The following RFC3 variants were observed in gnomAD, a reference collection of about 807,000 sequenced individuals.
RFC3 encodes A1 38 kDa subunit.
In RFC3, 41 loss-of-function variants were observed where a neutral mutation model predicts 45.1. The ratio of observed to expected loss-of-function variants is 0.91; its 90% CI spans 0.71 to 1.18. The LOEUF (loss-of-function observed/expected upper bound fraction) is 1.18, where lower values mean the gene tolerates loss of function less well. Among genes scored for constraint, RFC3 ranks in the 50% most tolerant of loss-of-function variants. The probability of loss-of-function intolerance (pLI) is 0.00; values close to 1 mark genes in which losing one functional copy is unlikely to be tolerated. For synonymous variants in RFC3, 149 were observed against 144.0 expected, an observed-to-expected ratio of 1.03 and a Z score of -0.25; for missense variants, 423 against 428.1, an observed-to-expected ratio of 0.99 and a Z score of 0.10.
At chr13:33,832,685 T>A (rs1018023107) in intron 7 of RFC3, among the ~76,000 whole-genome samples, 2 of 152,284 alleles carry the variant, frequency 1.3e-5, no homozygotes, top group Admixed American at 6.5e-5. Context: ...TTTTGTAAAA[T>A]GTTGATTATC....
intron 8 of RFC3, among the ~76,000 whole-genome samples, chr13:33,912,726 G>T (rs2082710561): frequency 6.6e-6 from 1 of 152,124 alleles, no homozygotes; most frequent in African/African-American, 2.4e-5. Context: ...CAGTATTTAT[G>T]CAGGGGAGAA....
In RFC3 at chr13:33,888,256, A is replaced by G. The variant is rs2082539603; in HGVS notation, c.879+53039A>G. ...GCATGCAAGTTCAGGGGGCACCATT[A>G]CATACAACGTGAATGGTGCTTCTTG... On this transcript the variant is annotated intron_variant, in intron 8 of 8. Coordinates refer to the RFC3 transcript ENST00000434425. 2.6e-5 allele frequency among the ~76,000 whole-genome samples: 4 copies of G among 152,190 alleles called. No individual in the cohort carries two copies. In the South Asian group the frequency reaches 8.3e-4, roughly 32 times the overall value.
chr13:33,830,630 C>A, intron 5 of RFC3, 89 bp from the exon 6 acceptor site: 2 of 984,322 alleles, frequency 2.0e-6, no homozygotes, highest in Non-Finnish European at 2.9e-6. Flanking sequence ...GAGAGTAATA[C>A]AGTTATAAGG....
At position 33,913,760 on chromosome 13, in the gene RFC3, T is replaced by A. The variant is rs540143047; in HGVS notation, c.880-52327T>A. Among the ~76,000 whole-genome samples the A allele has an allele frequency of 3.9e-5, 6 of 152,252 alleles. No homozygotes were observed. The South Asian group carries it at 1.0e-3, about 26-fold the overall frequency. On this transcript the variant is annotated intron_variant, in intron 8 of 8. Coordinates refer to the RFC3 transcript ENST00000434425. ...CTCAATCTCTGGTAGTTACTGTTGCTGTTATGAGATATCCCAAGAAGGCAA... is the reference window on the plus strand; with the variant it reads ...CTCAATCTCTGGTAGTTACTGTTGCAGTTATGAGATATCCCAAGAAGGCAA...
At chr13:33,972,721 G>A in the RFC3 span, among the ~76,000 whole-genome samples, 2 of 152,236 alleles carry the variant, frequency 1.3e-5, no homozygotes, top group Non-Finnish European at 1.5e-5. Flanking sequence ...ATTATGGCCC[G>A]TTAAGCCTAA....
chr13:33,977,112 T>C, the RFC3 span, among the ~76,000 whole-genome samples: 2 of 152,050 alleles, frequency 1.3e-5, no homozygotes, highest in Non-Finnish European at 2.9e-5. Context: ...CTCAAAACTG[T>C]CAAGGTCATC....
At chr13:33,826,626 A>G (rs1324416561) in intron 4 of RFC3, among the ~76,000 whole-genome samples, 1 of 152,086 alleles carries the variant, frequency 6.6e-6, no homozygotes, top group Non-Finnish European at 1.5e-5. Context: ...TTTTGCTACT[A>G]TATATGGAGT....
chr13:33,893,979 A>G (rs974927227), intron 8 of RFC3, among the ~76,000 whole-genome samples: 4 of 152,138 alleles, frequency 2.6e-5, no homozygotes, highest in African/African-American at 9.7e-5. Context: ...CAAACAAACA[A>G]ACAAAAAACC....
chr13:33,886,031 C>T (rs992152328), intron 8 of RFC3, among the ~76,000 whole-genome samples: 1 of 148,286 alleles, frequency 6.7e-6, no homozygotes, highest in African/African-American at 2.4e-5. Flanking sequence ...AAAAAAAAAG[C>T]TTAAAAAAGA....
At chr13:33,888,997 G>A (rs181062318) in intron 8 of RFC3, among the ~76,000 whole-genome samples, 1 of 152,238 alleles carries the variant, frequency 6.6e-6, no homozygotes, top group African/African-American at 2.4e-5. Flanking sequence ...AGCCACCTCG[G>A]CCTCCCAAAG....
chr13:33,858,903 T>C (rs1230170588), intron 8 of RFC3, among the ~76,000 whole-genome samples: 1 of 152,236 alleles, frequency 6.6e-6, no homozygotes, highest in African/African-American at 2.4e-5. Flanking sequence ...TTCTTTCAAC[T>C]GTAGCATCGC....
rs1345994087 is a variant in RFC3, at chr13:33,892,447, A to AGCAT, written c.879+57231_879+57234dup. Reference sequence around the variant, plus strand: ...CCTTTCTGCTCCAAATAAAACTGTAAGCATTCCAAAGCTGGGTATTGGTGC... The same window carrying AGCAT: ...CCTTTCTGCTCCAAATAAAACTGTAAGCATGCATTCCAAAGCTGGGTATTGGTGC... On this transcript the variant is annotated intron_variant, in intron 8 of 8. Coordinates refer to the RFC3 transcript ENST00000434425. Among the ~76,000 whole-genome samples, 4 of 152,296 alleles carry AGCAT rather than the reference A, an allele frequency of 2.6e-5. No individual in the cohort carries two copies. In the East Asian group the frequency reaches 7.7e-4, roughly 29 times the overall value.
At chr13:33,853,691 T>G (rs2082291298) in intron 8 of RFC3, among the ~76,000 whole-genome samples, 1 of 152,152 alleles carries the variant, frequency 6.6e-6, no homozygotes, top group Admixed American at 6.6e-5. Context: ...ACCTAAATTC[T>G]AACTGCTTTT....
chr13:33,958,563 T>C (rs982279989), intron 8 of RFC3, among the ~76,000 whole-genome samples: 12 of 152,240 alleles, frequency 7.9e-5, no homozygotes, highest in Non-Finnish European at 1.3e-4. Context: ...AAACGTACTC[T>C]ATGCAACAGC....
At chr13:33,843,776 C>T (rs1795654437) in intron 8 of RFC3, among the ~76,000 whole-genome samples, 1 of 152,144 alleles carries the variant, frequency 6.6e-6, no homozygotes, top group South Asian at 2.1e-4. Flanking sequence ...CAACACTGCC[C>T]AACGGACATA....
intron 8 of RFC3, among the ~76,000 whole-genome samples, chr13:33,881,686 C>G (rs1365840927): frequency 6.6e-6 from 1 of 152,192 alleles, no homozygotes; most frequent in African/African-American, 2.4e-5. Flanking sequence ...TACACCCTCT[C>G]GTTCCCTCTG....
At chr13:33,824,449 T>C (rs2139386924) in intron 3 of RFC3, among the ~76,000 whole-genome samples, 1 of 152,288 alleles carries the variant, frequency 6.6e-6, no homozygotes, top group East Asian at 1.9e-4. Flanking sequence ...CTCTATATCA[T>C]GCAGTAATAA....
intron 8 of RFC3, among the ~76,000 whole-genome samples, chr13:33,863,460 G>A (rs1371940544): frequency 6.6e-6 from 1 of 152,184 alleles, no homozygotes; most frequent in Non-Finnish European, 1.5e-5. Context: ...GCAATATTCA[G>A]GTACTGAGTG....
At chr13:33,964,800 G>A (rs2083077689) in intron 8 of RFC3, among the ~76,000 whole-genome samples, 1 of 152,150 alleles carries the variant, frequency 6.6e-6, no homozygotes. Flanking sequence ...TTGGAAAAAG[G>A]ATATTTGCAA....
Sources: allele counts gnomAD v4.1 joint callset (sites outside exome capture counted in the v4.1 genomes callset), GRCh38; gene constraint gnomAD v4.1.1; transcripts MANE v1.5; gene names NCBI Gene and HGNC (gene_info 2026-07-23, HGNC 2026-07-21).